Variants in HTR7 observed in about 807,000 individuals in gnomAD.
The protein encoded by HTR7 is 5-hydroxytryptamine receptor 7.
HTR7 carries 16 observed loss-of-function variants against 34.0 expected under a neutral mutation model. The observed-to-expected ratio is 0.47, with a 90% CI of 0.32 to 0.71. The LOEUF is 0.71. Among genes scored for constraint, HTR7 ranks in the 30% least tolerant of loss-of-function variants. The probability of loss-of-function intolerance (pLI) is 0.04; values close to 1 mark genes in which losing one functional copy is unlikely to be tolerated. For synonymous variants in HTR7, 265 were observed against 260.2 expected, an observed-to-expected ratio of 1.02 and a Z score of -0.18; for missense variants, 504 against 625.5, an observed-to-expected ratio of 0.81 and a Z score of 2.07.
At position 90,742,501 on chromosome 10, in the gene HTR7, T is replaced by C; in HGVS notation, c.1421A>G (p.Lys474Arg). 6.3e-7 allele frequency: 1 copy of C among 1,592,404 alleles called. No individual in the cohort carries two copies. ...CTGCTTTCAATCATGAATCATGACC[T>C]TTTTTTCTACAGTAGTCAGCATTTT... ...ADKMLTTVEK[K>R]VMIHD The change falls in exon 4 of 4, where the codon AAG becomes AGG. Residue 474 changes from lysine to arginine, a missense_variant. Physicochemically the swap from Lys to Arg is conservative, Grantham distance 26 (BLOSUM62 2). Around this residue, in one of 4 missense-constraint regions of HTR7, gnomAD observed 154 missense variants for 212.1 expected, o/e 0.73. Coordinates refer to ENST00000336152, the MANE Select transcript of HTR7 (RefSeq NM_019859.4).
At chr10:90,835,042 T>C (rs978250748) in intron 1 of HTR7, among the ~76,000 whole-genome samples, 3 of 152,148 alleles carry the variant, frequency 2.0e-5, no homozygotes, top group African/African-American at 7.2e-5. Flanking sequence ...ACTGTGGAAA[T>C]GTAAAAATGC....
At chr10:90,811,812 G>C (rs1272824392) in intron 1 of HTR7, among the ~76,000 whole-genome samples, 3 of 151,960 alleles carry the variant, frequency 2.0e-5, no homozygotes, top group Admixed American at 1.3e-4. Flanking sequence ...ATAAGTAAAG[G>C]CCTTTCCTAC....
At chr10:90,834,578 T>C (rs1412065813) in intron 1 of HTR7, among the ~76,000 whole-genome samples, 1 of 152,162 alleles carries the variant, frequency 6.6e-6, no homozygotes, top group Non-Finnish European at 1.5e-5. Flanking sequence ...GGTCAGGTGA[T>C]AGATCTGCTC....
chr10:90,751,994 A>G (rs1240720604), intron 1 of HTR7, among the ~76,000 whole-genome samples: 2 of 152,220 alleles, frequency 1.3e-5, no homozygotes, highest in East Asian at 1.9e-4. Flanking sequence ...TTAGGCTGAC[A>G]CATTATATTT....
chr10:90,819,469 G>A (rs985212874), intron 1 of HTR7, among the ~76,000 whole-genome samples: 2 of 152,066 alleles, frequency 1.3e-5, no homozygotes, highest in African/African-American at 4.8e-5. Flanking sequence ...GAATCTGCTG[G>A]GTTTCAAACC....
intron 1 of HTR7, among the ~76,000 whole-genome samples, chr10:90,803,550 A>C (rs536902362): frequency 6.6e-6 from 1 of 152,210 alleles, no homozygotes; most frequent in Non-Finnish European, 1.5e-5. Context: ...GAAGCTGCTG[A>C]TCACCAGTTT....
At chr10:90,783,684 G>T (rs1258855458) in intron 1 of HTR7, among the ~76,000 whole-genome samples, 1 of 152,110 alleles carries the variant, frequency 6.6e-6, no homozygotes, top group African/African-American at 2.4e-5. Context: ...GAAATAAACT[G>T]GATTTTAATT....
chr10:90,786,814 G>A (rs1412516053), intron 1 of HTR7, among the ~76,000 whole-genome samples: 1 of 152,172 alleles, frequency 6.6e-6, no homozygotes. Context: ...AATCAGACAG[G>A]ATGAGTGGTG....
chr10:90,773,372 A>G (rs1845149375), intron 1 of HTR7, among the ~76,000 whole-genome samples: 1 of 152,176 alleles, frequency 6.6e-6, no homozygotes, highest in Non-Finnish European at 1.5e-5. Flanking sequence ...TGAGGTACAT[A>G]GGATATTCTA....
intron 1 of HTR7, among the ~76,000 whole-genome samples, chr10:90,780,508 G>T (rs1201403850): frequency 6.8e-6 from 1 of 145,998 alleles, no homozygotes; most frequent in Non-Finnish European, 1.5e-5. Context: ...CTGCACTCTA[G>T]CCTGGGCGAC....
chr10:90,855,074 T>C (rs1846558377), intron 1 of HTR7, among the ~76,000 whole-genome samples: 1 of 152,258 alleles, frequency 6.6e-6, no homozygotes, highest in African/African-American at 2.4e-5. Flanking sequence ...ATTTTATCAA[T>C]TCTTCATTTT....
Position 90,857,459 on chromosome 10 carries a change from C to G in HTR7, c.213G>C (p.Gly71=), listed in dbSNP as rs1165506925. The change falls in exon 1 of 4, where the codon GGG becomes GGC. Residue 71 remains glycine (G), a synonymous_variant. Transcript: ENST00000336152. The surrounding 1 kb of genome is among the most constrained non-coding windows in gnomAD (Gnocchi z 6.5). ...DAPPDNASGC[G]EQINYGRVEK... is the part of the protein sequence containing the mutation. The stretch of plus-strand genomic sequence containing the variant: ...CGACTCTGCCGTAGTTGATCTGTTC[C>G]CCACAGCCGGAGGCATTGTCCGGGG... 21 of 1,613,818 alleles carry G rather than the reference C, an allele frequency of 1.3e-5. No homozygotes were observed. The highest frequency in any genetic ancestry group is 2.7e-5 in the African/African-American group (2 of 74,948).
chr10:90,795,183 T>C (rs1199457270), intron 1 of HTR7, among the ~76,000 whole-genome samples: 1 of 152,224 alleles, frequency 6.6e-6, no homozygotes, highest in Non-Finnish European at 1.5e-5. Flanking sequence ...AGTAGTAGGA[T>C]TGCTGGATCA....
chr10:90,762,581 C>G lies in HTR7; in HGVS notation c.540-12987G>C, dbSNP rs1297431682. ...TCTGAATATTTTCTCCCATTCTGTA[C>G]ATGGCCTTTTCATGTTGTTAACTGT... On this transcript the variant is annotated intron_variant, in intron 1 of 3. Coordinates refer to ENST00000336152, the MANE Select transcript of HTR7 (RefSeq NM_019859.4). Among the ~76,000 whole-genome samples the G allele has an allele frequency of 5.9e-5, 9 of 152,248 alleles. No individual in the cohort carries two copies. In the East Asian group the frequency reaches 1.3e-3, roughly 23 times the overall value.
intron 1 of HTR7, among the ~76,000 whole-genome samples, chr10:90,813,590 TGA>T (rs1845853242): frequency 6.6e-6 from 1 of 151,734 alleles, no homozygotes; most frequent in South Asian, 2.1e-4. Context: ...TTCCTTTCAA[TGA>T]AAAGCAGCCC....
intron 1 of HTR7, among the ~76,000 whole-genome samples, chr10:90,830,535 C>T (rs1207887011): frequency 6.6e-6 from 1 of 152,166 alleles, no homozygotes; most frequent in Non-Finnish European, 1.5e-5. Flanking sequence ...GCCTGTAATT[C>T]TAGCACTTTG....
intron 1 of HTR7, among the ~76,000 whole-genome samples, chr10:90,822,248 A>G (rs1230063281): frequency 6.6e-6 from 1 of 152,222 alleles, no homozygotes; most frequent in African/African-American, 2.4e-5. Flanking sequence ...GATATAAAGA[A>G]TAAAGTCCAG....
chr10:90,850,010 C>G (rs990684412), intron 1 of HTR7, among the ~76,000 whole-genome samples: 2 of 152,156 alleles, frequency 1.3e-5, no homozygotes, highest in African/African-American at 4.8e-5. Context: ...GGCTAAGGAT[C>G]CAGGTAAAGA....
intron 1 of HTR7, among the ~76,000 whole-genome samples, chr10:90,778,554 C>A (rs1216332424): frequency 1.3e-5 from 2 of 152,160 alleles, no homozygotes; most frequent in Non-Finnish European, 2.9e-5. Flanking sequence ...ATAAATTACC[C>A]AGTTTTAGGT....
Sources: gnomAD v4.1 joint callset for allele counts (sites outside exome capture counted in the v4.1 genomes callset) on GRCh38, gnomAD v4.1.1 for gene constraint, gnomAD v4.1.1 regional missense constraint, Gnocchi (gnomAD v3.1) non-coding constraint, MANE v1.5 for transcripts, NCBI Gene and HGNC (gene_info 2026-07-23, HGNC 2026-07-21) for gene names.